The following CEP72 variants were observed in gnomAD, a reference collection of about 807,000 sequenced individuals.
The protein encoded by CEP72 is centrosomal protein of 72 kDa.
Under a neutral mutation model 65.7 loss-of-function variants are expected in CEP72, and 78 were observed. That is an observed-to-expected ratio of 1.19 (90% confidence interval 0.99 to 1.43). The LOEUF (loss-of-function observed/expected upper bound fraction) is 1.43. Ranked by LOEUF, CEP72 falls within the 40% of genes most tolerant of loss-of-function variation. CEP72 has a pLI of 0.00. For missense variants in CEP72, 914 were observed against 832.9 expected (o/e 1.10, Z -1.20); for synonymous variants, 358 against 351.7 (o/e 1.02, Z -0.20).
intron 4 of CEP72, among the ~76,000 whole-genome samples, chr5:628,553 G>A (rs867271073): frequency 0.013 from 1,660 of 124,990 alleles, no homozygotes; most frequent in East Asian, 0.025. Flanking sequence ...TCAGGTTGCA[G>A]TCCCCGGGGA....
intron 6 of CEP72, 23 bp from the exon 7 acceptor site, chr5:637,494 G>A (rs375736186): frequency 8.1e-6 from 13 of 1,596,812 alleles, no homozygotes; most frequent in Admixed American, 6.8e-5. Flanking sequence ...CCTGACGTGC[G>A]CCCCATCCTC....
At chr5:654,221 TGCTGTGTGTGTGCTA>T (rs1739297355), downstream of CEP72, among the ~76,000 whole-genome samples, 1 of 147,842 alleles carries the variant, frequency 6.8e-6, no homozygotes, top group Non-Finnish European at 1.5e-5. Context: ...TGTGTGCGCT[TGCTGTGTGTGTGCTA>T]GCTGTGTGTG....
chr5:633,717 C>G (rs372637912), intron 4 of CEP72, 52 bp from the exon 5 acceptor site: 6 of 1,558,620 alleles, frequency 3.8e-6, no homozygotes, highest in Non-Finnish European at 5.3e-6. Flanking sequence ...CTGCGTGGGC[C>G]GGAGCATATG....
chr5:647,837 G>A lies in CEP72; in HGVS notation c.1699G>A (p.Glu567Lys), dbSNP rs190535681. The A allele has an allele frequency of 1.6e-5, 26 of 1,612,450 alleles. No individual in the cohort carries two copies. Among genetic ancestry groups the A allele is most frequent in the South Asian group, 3.3e-5 (3 of 91,062 alleles). ...AACAAGTGTGAAGAGGCTGTGTGGCGAGATTGTGGAACTGAAGCAGCACCT... is the reference window on the plus strand; with the variant it reads ...AACAAGTGTGAAGAGGCTGTGTGGCAAGATTGTGGAACTGAAGCAGCACCT... ...LQTSVKRLCG[E>K]IVELKQHLEH... The change falls in exon 11 of 12, where the codon GAG (glutamate) becomes AAG (lysine). Residue 567 changes from glutamate (E) to lysine (K), a missense_variant. Glu to Lys is a moderately conservative substitution (Grantham distance 56). Coordinates refer to ENST00000264935, the MANE Select transcript of CEP72 (RefSeq NM_018140.4).
At chr5:612,933 CTT>C (rs1280281254) in intron 1 of CEP72, among the ~76,000 whole-genome samples, 7 of 152,168 alleles carry the variant, frequency 4.6e-5, no homozygotes, top group Non-Finnish European at 1.0e-4. Flanking sequence ...GTTGCCTTCT[CTT>C]ATATTTAGAA....
intron 11 of CEP72, among the ~76,000 whole-genome samples, chr5:651,468 G>C (rs1739088667): frequency 6.6e-6 from 1 of 151,968 alleles, no homozygotes; most frequent in Non-Finnish European, 1.5e-5. Context: ...AGATGGTCGG[G>C]CACGGCGGGG....
chr5:668,794 G>T (rs1442586008), downstream of CEP72, among the ~76,000 whole-genome samples: 1 of 152,230 alleles, frequency 6.6e-6, no homozygotes, highest in African/African-American at 2.4e-5. Flanking sequence ...CTTCAGCAGC[G>T]GCCAGACCAC....
At chr5:619,876 G>A (rs992428171) in intron 2 of CEP72, among the ~76,000 whole-genome samples, 193 bp from the exon 3 acceptor site, 7 of 152,192 alleles carry the variant, frequency 4.6e-5, no homozygotes, top group African/African-American at 1.7e-4. Flanking sequence ...TTCCATAAAC[G>A]ACCGTCTCAC....
intron 4 of CEP72, among the ~76,000 whole-genome samples, chr5:625,955 T>G (rs1736729043): frequency 6.6e-6 from 1 of 151,886 alleles, no homozygotes; most frequent in Admixed American, 6.6e-5. Flanking sequence ...GGCCTCATGG[T>G]AATTTGATTG....
chr5:648,688 CTGTGAGGCGTGAATG>C (rs1561061629), intron 11 of CEP72, among the ~76,000 whole-genome samples: 2 of 94,918 alleles, frequency 2.1e-5, no homozygotes, highest in South Asian at 3.6e-4. Flanking sequence ...TGAGGCGTGA[CTGTGAGGCGTGAATG>C]TGAGGCGTGA....
chr5:612,491 T>TGGGGGGGGGGGGGGG, intron 1 of CEP72, 48 bp downstream of exon 1: 1 of 567,442 alleles, frequency 1.8e-6, no homozygotes, highest in Non-Finnish European at 2.7e-6. Flanking sequence ...GGCGGGGGGG[T>TGGGGGGGGGGGGGGG]GGGTGCCGAG....
chr5:637,429 C>G, intron 6 of CEP72, 88 bp from the exon 7 acceptor site: 1 of 1,165,710 alleles, frequency 8.6e-7, no homozygotes, highest in South Asian at 1.4e-5. Context: ...TATACATGGG[C>G]ACACACATGC....
At position 642,773 on chromosome 5, in the gene CEP72, C is replaced by T. The variant is rs980935862; in HGVS notation, c.1540-1526C>T. On this transcript the variant is annotated intron_variant, in intron 9 of 11. Transcript: ENST00000264935. Reference sequence around the variant, plus strand: ...GAGCAGTCAGCACCGTCAGGAACCCCGCGGAGGGAGCAGCCGTGCAGGCTG... The same window carrying T: ...GAGCAGTCAGCACCGTCAGGAACCCTGCGGAGGGAGCAGCCGTGCAGGCTG... The T allele has an allele frequency of 1.0e-5, 10 of 985,354 alleles. No individual in the cohort carries two copies. The South Asian group carries it at 2.3e-4, about 23-fold the overall frequency. The allele number at this position is 985,354 out of a possible 1,614,324, so 61.0% of individuals were successfully genotyped here.
intron 4 of CEP72, among the ~76,000 whole-genome samples, chr5:629,812 G>A (rs1179952523): frequency 7.7e-5 from 5 of 64,606 alleles, no homozygotes; most frequent in Admixed American, 4.5e-4. Context: ...CCGGGATTTG[G>A]CCCAGTCCTG....
At chr5:633,420 C>T (rs1043418434) in intron 4 of CEP72, among the ~76,000 whole-genome samples, 1 of 147,626 alleles carries the variant, frequency 6.8e-6, no homozygotes, top group Admixed American at 7.0e-5. Context: ...GGGTGCTGTC[C>T]AGTGCCGGGA....
At chr5:646,508 C>T (rs1008124671) in intron 10 of CEP72, among the ~76,000 whole-genome samples, 2 of 152,162 alleles carry the variant, frequency 1.3e-5, no homozygotes, top group South Asian at 2.1e-4. Flanking sequence ...CAGCCTCCTT[C>T]TGGGGATTCT....
rs1158237833 is a variant in CEP72 at position 640,744 on chromosome 5, G to A, written c.1539+140G>A. ...AGCCCCATGTCTCCACTCCCTGCCC[G>A]GGACCCGGCCACCCCCGGAACGCGG... is the stretch of plus-strand genomic sequence containing the variant. On this transcript the variant is annotated intron_variant, in intron 9 of 11. Transcript: ENST00000264935. 23 of 1,436,940 alleles carry A rather than the reference G, an allele frequency of 1.6e-5. No individual in the cohort carries two copies. The East Asian group carries it at 3.2e-4, about 20-fold the overall frequency. The allele number at this position is 1,436,940 out of a possible 1,614,324, so 89.0% of individuals were successfully genotyped here.
In CEP72 at chr5:641,498, C is replaced by T. The variant is rs554861034; in HGVS notation, c.1539+894C>T. Reference sequence around the variant, plus strand: ...TCATGGGAACCAACATCTCAGAGATCCCACACAACGCTTCCTCTTTAGAGA... The same window carrying T: ...TCATGGGAACCAACATCTCAGAGATTCCACACAACGCTTCCTCTTTAGAGA... On this transcript the variant is annotated intron_variant, in intron 9 of 11. Transcript: ENST00000264935. 1.3e-4 allele frequency: 125 copies of T among 985,338 alleles called. No individual in the cohort carries two copies. In the African/African-American group the frequency reaches 2.0e-3, roughly 15 times the overall value. The allele number at this position is 985,338 out of a possible 1,614,324, so 61.0% of individuals were successfully genotyped here.
intron 4 of CEP72, among the ~76,000 whole-genome samples, chr5:633,003 A>G (rs1223847173): frequency 3.2e-4 from 17 of 53,618 alleles, no homozygotes; most frequent in South Asian, 1.8e-3. Flanking sequence ...CAGTGCCGGG[A>G]TTTGGCCCAG....
Sources: gnomAD v4.1 joint callset for allele counts (sites outside exome capture counted in the v4.1 genomes callset) on GRCh38, gnomAD v4.1.1 for gene constraint, MANE v1.5 for transcripts, NCBI Gene and HGNC (gene_info 2026-07-23, HGNC 2026-07-21) for gene names.